The following EXOC2 variants were observed in gnomAD, a reference collection of about 807,000 sequenced individuals.
EXOC2 encodes the protein exocyst complex component 2, also known as SEC5-like 1.
EXOC2 carries 70 observed loss-of-function variants against 131.8 expected under a neutral mutation model. The ratio of observed to expected loss-of-function variants is 0.53; its 90% CI spans 0.44 to 0.65. The LOEUF (loss-of-function observed/expected upper bound fraction) is 0.65, where lower values mean the gene tolerates loss of function less well. EXOC2 is among the 30% of genes least tolerant of loss of function. EXOC2 has a pLI of 0.00. For missense variants in EXOC2, 923 were observed against 1,108.6 expected (o/e 0.83, Z 2.38); for synonymous variants, 411 against 398.4 (o/e 1.03, Z -0.38).
intron 17 of EXOC2, among the ~76,000 whole-genome samples, chr6:560,649 G>A (rs954233485): frequency 2.0e-5 from 3 of 151,932 alleles, no homozygotes; most frequent in Admixed American, 2.0e-4. Context: ...CTATAGACTA[G>A]TCACTATTTA....
rs569285642 is a variant in EXOC2, at chr6:597,280, G to A, written c.1073+741C>T. 4.6e-5 allele frequency among the ~76,000 whole-genome samples: 7 copies of A among 151,944 alleles called. 1 individual carries two copies. The South Asian group carries it at 1.3e-3, about 27-fold the overall frequency. On this transcript the variant is annotated intron_variant, in intron 10 of 27. Transcript: ENST00000230449. The stretch of plus-strand genomic sequence containing the variant: ...CAACCTCTGCCTCCCGGGTTCAAGC[G>A]ATTCTCCTGCCTCAGCCTCCTGAGT...
intron 1 of EXOC2, among the ~76,000 whole-genome samples, chr6:685,127 A>AC (rs1764584895): frequency 6.7e-6 from 1 of 149,512 alleles, no homozygotes; most frequent in Non-Finnish European, 1.5e-5. Context: ...ATCATTTGAA[A>AC]ACACACACAC....
chr6:590,698 T>C (rs1461727511), intron 11 of EXOC2, among the ~76,000 whole-genome samples: 1 of 152,194 alleles, frequency 6.6e-6, no homozygotes, highest in Non-Finnish European at 1.5e-5. Flanking sequence ...TCCCTTCTGT[T>C]TTCCTCCCGC....
intron 21 of EXOC2, among the ~76,000 whole-genome samples, chr6:551,681 T>C (rs1757152097): frequency 6.6e-6 from 1 of 152,164 alleles, no homozygotes. Flanking sequence ...GCAGTCTCCA[T>C]TCGGGAGGCC....
At chr6:670,474 TCTTTA>T (rs1425220533) in intron 1 of EXOC2, among the ~76,000 whole-genome samples, 1 of 151,840 alleles carries the variant, frequency 6.6e-6, no homozygotes, top group Non-Finnish European at 1.5e-5. Context: ...TCTGAAGAAC[TCTTTA>T]CTTTTTTTAA....
intron 19 of EXOC2, 33 bp downstream of exon 19, chr6:555,921 G>A (rs780365063): frequency 6.2e-7 from 1 of 1,601,648 alleles, no homozygotes; most frequent in Non-Finnish European, 8.5e-7. Context: ...AGTATTATTT[G>A]AGGCTTTCAG....
chr6:680,010 T>C (rs920844148), intron 1 of EXOC2, among the ~76,000 whole-genome samples: 3 of 143,924 alleles, frequency 2.1e-5, no homozygotes, highest in Non-Finnish European at 4.6e-5. Context: ...CTCTATGCTA[T>C]ACTCCGGATG....
At chr6:629,244 G>A (rs1033651944) in intron 4 of EXOC2, among the ~76,000 whole-genome samples, 3 of 152,156 alleles carry the variant, frequency 2.0e-5, no homozygotes, top group South Asian at 2.1e-4. Flanking sequence ...AATTAGCTGC[G>A]ATTAACACAT....
chr6:489,025 G>A lies in EXOC2; in HGVS notation c.2635C>T (p.Gln879Ter). Residue 879 changes from glutamine to a stop codon, truncating the protein, a stop_gained, in exon 27 of 28, where the codon CAG (glutamine) becomes TAG (stop). Transcript: ENST00000230449. LOFTEE classifies it high-confidence loss of function. ...AGCTGGGGCAGGGCTTCCAAAGCCT[G>A]CTTAAAACTTGACCTGAAACACAAA... is the stretch of plus-strand genomic sequence containing the variant. The part of the protein sequence containing the change: ...LTPESKSSFK[Q>*]ALEALPQLSS... 6.2e-7 allele frequency: 1 copy of A among 1,613,910 alleles called. No homozygotes were observed. The highest frequency in any genetic ancestry group is 1.1e-5 in the South Asian group (1 of 91,018).
chr6:516,158 G>A (rs141628224), intron 23 of EXOC2, among the ~76,000 whole-genome samples: 2 of 152,308 alleles, frequency 1.3e-5, no homozygotes, highest in African/African-American at 4.8e-5. Context: ...AGTCCTGAAA[G>A]CGTTTCATTA....
intron 1 of EXOC2, among the ~76,000 whole-genome samples, chr6:687,171 C>CTTTCTTTTTTTT (rs1764696677): frequency 1.3e-5 from 1 of 78,360 alleles, no homozygotes; most frequent in Non-Finnish European, 2.2e-5. Context: ...AAATAATATT[C>CTTTCTTTTTTTT]TTTTTTTTTT....
intron 11 of EXOC2, among the ~76,000 whole-genome samples, chr6:583,700 C>G (rs975715015): frequency 6.6e-6 from 1 of 152,258 alleles, no homozygotes; most frequent in Non-Finnish European, 1.5e-5. Flanking sequence ...GCTTATACAT[C>G]TTAAAGCAGG....
At chr6:577,353 C>A (rs1561879595) in intron 11 of EXOC2, among the ~76,000 whole-genome samples, 1 of 152,164 alleles carries the variant, frequency 6.6e-6, no homozygotes, top group African/African-American at 2.4e-5. Context: ...TAGTGTGGAT[C>A]CTTTTCACCT....
intron 23 of EXOC2, among the ~76,000 whole-genome samples, chr6:512,456 CTTACT>C (rs1174459859): frequency 6.6e-6 from 1 of 152,124 alleles, no homozygotes; most frequent in African/African-American, 2.4e-5. Flanking sequence ...TTTTCTCTAG[CTTACT>C]TTAAGAATAC....
chr6:629,005 C>T (rs1761716143), intron 4 of EXOC2, among the ~76,000 whole-genome samples: 1 of 152,190 alleles, frequency 6.6e-6, no homozygotes, highest in Admixed American at 6.5e-5. Flanking sequence ...TACTTCCCCT[C>T]AGCCAGGGGC....
At chr6:662,974 G>A (rs1472703784) in intron 1 of EXOC2, among the ~76,000 whole-genome samples, 1 of 151,764 alleles carries the variant, frequency 6.6e-6, no homozygotes, top group African/African-American at 2.4e-5. Context: ...CTGGGTGGCA[G>A]AGCAAGACTT....
At position 652,960 on chromosome 6, in the gene EXOC2, C is replaced by T. The variant is rs114621070; in HGVS notation, c.-43-15099G>A. 4.3e-3 allele frequency among the ~76,000 whole-genome samples: 662 copies of T among 152,322 alleles called. 5 individuals are homozygous for T. Among genetic ancestry groups the T allele is most frequent in the African/African-American group, 0.015 (621 of 41,554 alleles). On this transcript the variant is annotated intron_variant, in intron 1 of 27. Transcript: ENST00000230449. Reference sequence around the variant, plus strand: ...CTGTGTCACATTTTGGTAATTCTTGCATTATCTCAAACTTATTCATTATCA... The same window carrying T: ...CTGTGTCACATTTTGGTAATTCTTGTATTATCTCAAACTTATTCATTATCA...
At chr6:592,691 T>C (rs1331712411) in intron 10 of EXOC2, 104 bp from the exon 11 acceptor site, 2 of 758,490 alleles carry the variant, frequency 2.6e-6, no homozygotes, top group Admixed American at 2.5e-5. Flanking sequence ...TTGTGCCCTG[T>C]CAAATATTAG....
At chr6:604,371 C>T (rs775066989) in intron 7 of EXOC2, among the ~76,000 whole-genome samples, 6 of 152,186 alleles carry the variant, frequency 3.9e-5, no homozygotes, top group Non-Finnish European at 7.3e-5. Flanking sequence ...GTCACCCTCA[C>T]GTTACTTTAT....
Sources: allele counts gnomAD v4.1 joint callset (sites outside exome capture counted in the v4.1 genomes callset), GRCh38; gene constraint gnomAD v4.1.1; transcripts MANE v1.5; gene names NCBI Gene and HGNC (gene_info 2026-07-23, HGNC 2026-07-21).